CCDC122: variants seen among roughly 807,000 people sequenced by gnomAD.
CCDC122 encodes coiled-coil domain-containing protein 122.
CCDC122 carries 38 observed loss-of-function variants against 37.0 expected under a neutral mutation model. The observed-to-expected ratio is 1.03, with a 90% CI of 0.79 to 1.35. The LOEUF is 1.35. Among genes scored for constraint, CCDC122 ranks in the 40% most tolerant of loss-of-function variants. The probability of loss-of-function intolerance (pLI) is 0.00; values close to 1 mark genes in which losing one functional copy is unlikely to be tolerated. For missense variants in CCDC122, 305 were observed against 310.0 expected (o/e 0.98, Z 0.12); for synonymous variants, 83 against 95.6 (o/e 0.87, Z 0.77).
intron 6 of CCDC122, among the ~76,000 whole-genome samples, chr13:43,841,222 A>G (rs909433515): frequency 6.6e-6 from 1 of 152,192 alleles, no homozygotes; most frequent in Non-Finnish European, 1.5e-5. Context: ...TTTTTAAGGC[A>G]TATTTTTTTC....
intron 4 of CCDC122, among the ~76,000 whole-genome samples, chr13:43,860,910 A>ATTAC (rs1954081754): frequency 6.6e-6 from 1 of 152,198 alleles, no homozygotes; most frequent in Non-Finnish European, 1.5e-5. Flanking sequence ...ACCTCAGCCT[A>ATTAC]TTACTCCTTG....
At chr13:43,873,691 C>A (rs1954517441) in intron 2 of CCDC122, among the ~76,000 whole-genome samples, 1 of 152,198 alleles carries the variant, frequency 6.6e-6, no homozygotes, top group South Asian at 2.1e-4. Context: ...TTTGGCAAAG[C>A]CCATTGGCTC....
Position 43,866,932 on chromosome 13 carries a change from T to C in CCDC122, c.156+1762A>G, listed in dbSNP as rs554613381. 2.0e-5 allele frequency among the ~76,000 whole-genome samples: 3 copies of C among 152,262 alleles called. No individual in the cohort carries two copies. In the South Asian group the frequency reaches 6.2e-4, roughly 32 times the overall value. On this transcript the variant is annotated intron_variant, in intron 4 of 6. Transcript: ENST00000444614. ...ATGAGTTTTATTTCTTTTTCTTGCA[T>C]AGCTGTACTGGCCTGAACTACCAGT...
intron 5 of CCDC122, 90 bp from the exon 6 acceptor site, chr13:43,858,987 C>A: frequency 1.9e-6 from 2 of 1,044,504 alleles, no homozygotes; most frequent in Non-Finnish European, 2.6e-6. Context: ...TTTAAGAAAA[C>A]TAGCCAAATC....
chr13:43,840,651 G>C (rs1953320213), intron 6 of CCDC122, among the ~76,000 whole-genome samples: 2 of 151,922 alleles, frequency 1.3e-5, no homozygotes, highest in South Asian at 2.1e-4. Context: ...TTTTTGTCTT[G>C]CAACAGTTTG....
In CCDC122 at chr13:43,860,044, T is replaced by A. The variant is rs762061765; in HGVS notation, c.183A>T (p.Glu61Asp). ...TAGTTTCTGCAGAGATAGCTGCTAT[T>A]TCTTTTTCAAGCTCATGAAGTTCAT... is the stretch of plus-strand genomic sequence containing the variant. ...LKNELHELEK[E>D]IAAISAETKE... The change falls in exon 5 of 7, where the codon GAA becomes GAT. Residue 61 changes from glutamate to aspartate, a missense_variant. Glu to Asp is a conservative substitution (Grantham distance 45). Transcript: ENST00000444614. The A allele has an allele frequency of 3.9e-6, 6 of 1,530,750 alleles. No individual in the cohort carries two copies. In the South Asian group the frequency reaches 7.7e-5, roughly 20 times the overall value. 94.8% of individuals were successfully genotyped at this position (1,530,750 alleles called of 1,614,324 possible). A position where few individuals can be genotyped will look rare whatever the true frequency, so the allele number is the denominator to read the frequency against.
intron 2 of CCDC122, among the ~76,000 whole-genome samples, chr13:43,870,168 T>C (rs1183197668): frequency 6.6e-6 from 1 of 151,840 alleles, no homozygotes; most frequent in East Asian, 1.9e-4. Flanking sequence ...CAAATCTATC[T>C]AGAAATATAC....
chr13:43,856,472 T>C (rs1020379758), intron 6 of CCDC122: 8 of 153,468 alleles, frequency 5.2e-5, no homozygotes, highest in Middle Eastern at 3.2e-3. Context: ...CTACTAAAAA[T>C]GCAAAAAATT....
At chr13:43,848,913 A>T in intron 6 of CCDC122, 1 of 979,176 alleles carries the variant, frequency 1.0e-6, no homozygotes. Flanking sequence ...AAAAGAAGTA[A>T]TAAAAATCTT....
At chr13:43,827,942 C>T (rs7988096) in intron 3 of CCDC122, among the ~76,000 whole-genome samples, 136,401 of 152,202 alleles carry the variant, frequency 0.9, 61,955 homozygotes, top group South Asian at 0.98. Context: ...AATAGTATGT[C>T]AAAGCACATG....
intron 6 of CCDC122, among the ~76,000 whole-genome samples, chr13:43,851,335 G>A (rs1953719633): frequency 1.3e-5 from 2 of 152,190 alleles, no homozygotes; most frequent in African/African-American, 4.8e-5. Flanking sequence ...TTTGTGAGGT[G>A]ATGAAAATTT....
At chr13:43,858,992 C>T in intron 5 of CCDC122, 95 bp from the exon 6 acceptor site, 3 of 1,012,032 alleles carry the variant, frequency 3.0e-6, no homozygotes, top group Non-Finnish European at 2.7e-6. Context: ...GAAAACTAGC[C>T]AAATCAAAAT....
intron 6 of CCDC122, chr13:43,849,048 T>C (rs1283366116): frequency 1.5e-5 from 14 of 939,260 alleles, no homozygotes; most frequent in Non-Finnish European, 1.6e-5. Flanking sequence ...TTTAAGAAAA[T>C]GGTCTGACTA....
rs11420172 is a variant in CCDC122, at chr13:43,836,856, CAA to C, written c.*422_*423del. 11 of 82,148 alleles carry C rather than the reference CAA, an allele frequency of 1.3e-4. No individual in the cohort carries two copies. Among genetic ancestry groups the C allele is most frequent in the African/African-American group, 1.6e-4 (3 of 18,408 alleles). 5.1% of individuals were successfully genotyped at this position (82,148 alleles called of 1,614,324 possible). A position where few individuals can be genotyped will look rare whatever the true frequency, so the allele number is the denominator to read the frequency against. The stretch of plus-strand genomic sequence containing the variant: ...TGGGCGACAGAGCGAGACTCCGTCT[CAA>C]AAAAAAAAAAAAAAAAAAAGTTCGA... On this transcript the variant is annotated 3_prime_UTR_variant, in exon 7 of 7. Coordinates refer to ENST00000444614, the MANE Select transcript of CCDC122 (RefSeq NM_144974.5).
chr13:43,830,397 C>T (rs1196389224), intron 3 of CCDC122, among the ~76,000 whole-genome samples: 2 of 152,104 alleles, frequency 1.3e-5, no homozygotes, highest in African/African-American at 4.8e-5. Context: ...GAAGCAGATT[C>T]TGAGATGAAG....
chr13:43,863,185 C>T (rs776569297), intron 4 of CCDC122, among the ~76,000 whole-genome samples: 60 of 152,236 alleles, frequency 3.9e-4, no homozygotes, highest in Non-Finnish European at 7.4e-4. Context: ...TCCTCCCTTT[C>T]CATCTCTCCA....
At chr13:43,819,084 G>A (rs180736947), downstream of CCDC122, among the ~76,000 whole-genome samples, 5 of 152,088 alleles carry the variant, frequency 3.3e-5, no homozygotes, top group Admixed American at 1.3e-4. Flanking sequence ...ACATATGAAC[G>A]ATGTTGAACC....
At chr13:43,851,708 A>G (rs1018803625) in intron 6 of CCDC122, among the ~76,000 whole-genome samples, 3 of 152,162 alleles carry the variant, frequency 2.0e-5, no homozygotes, top group African/African-American at 7.2e-5. Context: ...TGGCTGACAC[A>G]ACCCATCTGA....
chr13:43,825,769 CAA>C (rs58173578), intron 3 of CCDC122, among the ~76,000 whole-genome samples: 1,931 of 73,476 alleles, frequency 0.026, 14 homozygotes, highest in Middle Eastern at 0.058. Flanking sequence ...GACTCCGTCT[CAA>C]AAAAAAAAAA....
Sources: gnomAD v4.1 joint callset for allele counts (sites outside exome capture counted in the v4.1 genomes callset) on GRCh38, gnomAD v4.1.1 for gene constraint, MANE v1.5 for transcripts, NCBI Gene and HGNC (gene_info 2026-07-23, HGNC 2026-07-21) for gene names.